The following SLC7A7 variants were observed in gnomAD, a reference collection of about 807,000 sequenced individuals.
SLC7A7 encodes solute carrier family 7 member 7, also known as Y+L amino acid transporter 1.
A neutral mutation model predicts 47.9 loss-of-function variants in SLC7A7; 39 were observed. The ratio of observed to expected loss-of-function variants is 0.81; its 90% confidence interval spans 0.63 to 1.06. The LOEUF is 1.06. Among genes scored for constraint, SLC7A7 ranks in the 50% least tolerant of loss-of-function variants. SLC7A7 has a pLI of 0.00. For missense variants in SLC7A7, 588 were observed against 632.0 expected (o/e 0.93, Z 0.75); for synonymous variants, 234 against 242.8 (o/e 0.96, Z 0.34).
At chr14:22,817,065 C>A (rs538798352), upstream of SLC7A7, among the ~76,000 whole-genome samples, 4 of 151,964 alleles carry the variant, frequency 2.6e-5, no homozygotes, top group East Asian at 7.7e-4. Context: ...CTTAATCACA[C>A]AAGTATACTA....
At chr14:22,795,853 C>T (rs2039014166) in intron 2 of SLC7A7, among the ~76,000 whole-genome samples, 1 of 152,156 alleles carries the variant, frequency 6.6e-6, no homozygotes, top group Non-Finnish European at 1.5e-5. Flanking sequence ...CCGCAACCTC[C>T]TCTAGGCTAC....
upstream of SLC7A7, among the ~76,000 whole-genome samples, chr14:22,818,583 G>GT (rs565680138): frequency 0.037 from 4,761 of 129,424 alleles, 270 homozygotes; most frequent in African/African-American, 0.13. Flanking sequence ...CAGGTTTTTG[G>GT]TTTTTTTTTT....
upstream of SLC7A7, chr14:22,815,810 C>A: frequency 2.5e-6 from 1 of 395,028 alleles, no homozygotes; most frequent in Non-Finnish European, 5.1e-6. Flanking sequence ...ATGCCCCACC[C>A]TAGCCTCTCT....
chr14:22,819,263 GCTGC>G (rs2039445642), upstream of SLC7A7, among the ~76,000 whole-genome samples: 2 of 152,096 alleles, frequency 1.3e-5, no homozygotes, highest in African/African-American at 4.8e-5. Flanking sequence ...ATCAGTCTGT[GCTGC>G]CTCCCCTAAC....
intron 2 of SLC7A7, among the ~76,000 whole-genome samples, chr14:22,782,321 G>A (rs145257030): frequency 0.017 from 2,487 of 150,352 alleles, 78 homozygotes; most frequent in African/African-American, 0.057. Flanking sequence ...CAGGCTTGTC[G>A]CAAACTCCTG....
rs1566438815 is a variant in SLC7A7, at chr14:22,773,992, T to G, written c.1370A>C (p.Tyr457Ser). The part of the protein sequence containing the change: ...IAIALSGLPF[Y>S]FLIIRVPEHK... ...TTCTGGCACTCTGATGATGAGGAAG[T>G]AAAAGGGCAGGCCTGAGAGGGCAAT... The change falls in exon 9 of 10, where the codon TAC (tyrosine) becomes TCC (serine). Residue 457 changes from tyrosine to serine, a missense_variant. Coordinates refer to ENST00000674313, the MANE Select transcript of SLC7A7 (RefSeq NM_003982.4). 6.2e-7 allele frequency: 1 copy of G among 1,613,964 alleles called. No individual in the cohort carries two copies. The highest frequency in any genetic ancestry group is 8.5e-7 in the Non-Finnish European group (1 of 1,180,000).
At chr14:22,800,590 G>T (rs779842476) in intron 2 of SLC7A7, among the ~76,000 whole-genome samples, 1 of 152,190 alleles carries the variant, frequency 6.6e-6, no homozygotes, top group African/African-American at 2.4e-5. Flanking sequence ...CACGCTGTGA[G>T]AAAGCTCAAC....
At chr14:22,776,660 C>G (rs1231011741) in intron 4 of SLC7A7, among the ~76,000 whole-genome samples, 2 of 152,084 alleles carry the variant, frequency 1.3e-5, no homozygotes, top group Admixed American at 6.6e-5. Flanking sequence ...TGGCAAAACC[C>G]TGTCTCTACA....
chr14:22,779,179 A>G (rs2038671065), intron 3 of SLC7A7, among the ~76,000 whole-genome samples: 1 of 152,208 alleles, frequency 6.6e-6, no homozygotes, highest in South Asian at 2.1e-4. Flanking sequence ...GGTCCAGGGT[A>G]GCTTTCTAGG....
In SLC7A7 at chr14:22,779,841, A is replaced by G. The variant is rs2139396885; in HGVS notation, c.625+85T>C. On this transcript the variant is annotated intron_variant, in intron 3 of 9. Coordinates refer to ENST00000674313, the MANE Select transcript of SLC7A7 (RefSeq NM_003982.4). ...CCGAATAAGGTTATAGTAAGAAATG[A>G]GATAATGCACAAAGAGCACTTAGAG... The G allele has an allele frequency of 4.1e-6, 5 of 1,233,746 alleles. No homozygotes were observed. The East Asian group carries it at 1.2e-4, about 29-fold the overall frequency. 76.4% of individuals were successfully genotyped at this position (1,233,746 alleles called of 1,614,324 possible).
intron 4 of SLC7A7, among the ~76,000 whole-genome samples, chr14:22,778,214 G>T (rs1566442098): frequency 6.6e-6 from 1 of 152,222 alleles, no homozygotes; most frequent in Non-Finnish European, 1.5e-5. Context: ...CAGGCAAAGA[G>T]ATGGCCGGGC....
intron 4 of SLC7A7, among the ~76,000 whole-genome samples, chr14:22,777,912 TA>T (rs1566441919): frequency 1.3e-5 from 2 of 152,070 alleles, no homozygotes; most frequent in East Asian, 1.9e-4. Flanking sequence ...ATGTCTCTAC[TA>T]AAAATACAAA....
In SLC7A7 at chr14:22,775,978, G is replaced by A. The variant is rs531898874; in HGVS notation, c.895-42C>T. The stretch of plus-strand genomic sequence containing the variant: ...GAAGAGTCATTAGCAGGATCTAAAA[G>A]GGATGAAAGACATGGATGGGCATGC... On this transcript the variant is annotated intron_variant, in intron 5 of 9. Transcript: ENST00000674313. 3.3e-6 allele frequency: 5 copies of A among 1,534,286 alleles called. No homozygotes were observed. The South Asian group carries it at 5.6e-5, about 17-fold the overall frequency.
At chr14:22,804,510 T>C (rs2039168279) in intron 2 of SLC7A7, among the ~76,000 whole-genome samples, 1 of 151,894 alleles carries the variant, frequency 6.6e-6, no homozygotes, top group South Asian at 2.1e-4. Context: ...TTTAAACAAA[T>C]TTACAAGAAA....
At chr14:22,784,354 T>C (rs1350229443) in intron 2 of SLC7A7, among the ~76,000 whole-genome samples, 1 of 152,222 alleles carries the variant, frequency 6.6e-6, no homozygotes, top group Non-Finnish European at 1.5e-5. Flanking sequence ...GTGCAGTGGC[T>C]CACGCCTGTA....
At chr14:22,775,295 G>C in intron 7 of SLC7A7, 149 bp downstream of exon 7, 1 of 756,438 alleles carries the variant, frequency 1.3e-6, no homozygotes, top group Non-Finnish European at 2.3e-6. Context: ...GGTTAGCATA[G>C]TGCCTTGCCC....
At chr14:22,788,170 C>T (rs2038854689) in intron 2 of SLC7A7, among the ~76,000 whole-genome samples, 1 of 152,136 alleles carries the variant, frequency 6.6e-6, no homozygotes, top group South Asian at 2.1e-4. Context: ...CAATGTTATT[C>T]AGCCAACTAA....
intron 2 of SLC7A7, among the ~76,000 whole-genome samples, chr14:22,809,817 A>G (rs1243951418): frequency 1.3e-5 from 2 of 152,060 alleles, no homozygotes; most frequent in Admixed American, 6.6e-5. Flanking sequence ...ATGTCTCTAT[A>G]CCCAAATTAG....
At chr14:22,774,645 C>A in intron 7 of SLC7A7, 142 bp from the exon 8 acceptor site, 1 of 1,076,464 alleles carries the variant, frequency 9.3e-7, no homozygotes, top group Non-Finnish European at 1.4e-6. Flanking sequence ...CCTTTAACAC[C>A]CTAGTTTCAG....
Sources: allele counts gnomAD v4.1 joint callset (sites outside exome capture counted in the v4.1 genomes callset), GRCh38; gene constraint gnomAD v4.1.1; transcripts MANE v1.5; gene names NCBI Gene and HGNC (gene_info 2026-07-23, HGNC 2026-07-21).